Variants in ANAPC1 observed in about 807,000 individuals in gnomAD.
ANAPC1 encodes the protein anaphase promoting complex subunit 1.
Under a neutral mutation model 208.0 loss-of-function variants are expected in ANAPC1, and 36 were observed. The ratio of observed to expected loss-of-function variants is 0.17; its 90% CI spans 0.13 to 0.23. The LOEUF is 0.23. Among genes scored for constraint, ANAPC1 ranks in the 10% least tolerant of loss-of-function variants. ANAPC1 has a pLI of 1.00. For missense variants in ANAPC1, 942 were observed against 2,011.6 expected (o/e 0.47, Z 10.17); for synonymous variants, 378 against 695.2 (o/e 0.54, Z 7.18).
At chr2:111,872,527 A>C (rs1260128652) in intron 6 of ANAPC1, 103 bp downstream of exon 6, 55 of 958,860 alleles carry the variant, frequency 5.7e-5, no homozygotes, top group Non-Finnish European at 8.9e-5. Flanking sequence ...CTATGCTGTC[A>C]ACATGAAAAT....
chr2:111,872,104 T>C (rs919239438), intron 6 of ANAPC1, among the ~76,000 whole-genome samples: 4 of 152,222 alleles, frequency 2.6e-5, no homozygotes, highest in Non-Finnish European at 5.9e-5. Context: ...CTTTTCCCCA[T>C]TCAGTATGAT....
In ANAPC1 at chr2:111,834,751, T is replaced by G. The variant is rs1313722906; in HGVS notation, c.2237A>C (p.Asn746Thr). Residue 746 changes from asparagine to threonine, a missense_variant, in exon 19 of 48, where the codon AAT becomes ACT. By Grantham distance (65) the Asn-to-Thr change is moderately conservative. Coordinates refer to ENST00000341068, the MANE Select transcript of ANAPC1 (RefSeq NM_022662.4). ...SQMKDEDFSQNLSLDSSTLLF... is the reference protein window; with the variant it reads ...SQMKDEDFSQTLSLDSSTLLF... ...AAGTGTAGAAGAATCCAGACTGAGA[T>G]TCTGTGAAAAATCCTCATCCTTCAT... The G allele has an allele frequency of 3.7e-6, 6 of 1,613,522 alleles. No individual in the cohort carries two copies. The highest frequency in any genetic ancestry group is 4.2e-6 in the Non-Finnish European group (5 of 1,179,750).
intron 17 of ANAPC1, among the ~76,000 whole-genome samples, chr2:111,841,666 C>CT (rs1680771524): frequency 6.6e-6 from 1 of 152,080 alleles, no homozygotes; most frequent in Admixed American, 6.5e-5. Flanking sequence ...AGCCTATGGC[C>CT]TTTACTCTGA....
At position 111,792,561 on chromosome 2, in the gene ANAPC1, A is replaced by G. The variant is rs1677933497; in HGVS notation, c.4519-6T>C. The stretch of plus-strand genomic sequence containing the variant: ...TCTAGGTTATGAGGACCTGTCTGTC[A>G]GGTGAAGAGATGACATCACTGTAAC... On this transcript the variant is annotated splice_polypyrimidine_tract_variant and splice_region_variant and intron_variant, in intron 37 of 47. Coordinates refer to ENST00000341068, the MANE Select transcript of ANAPC1 (RefSeq NM_022662.4). The G allele has an allele frequency of 1.2e-6, 2 of 1,609,550 alleles. No homozygotes were observed. The highest frequency in any genetic ancestry group is 2.2e-5 in the East Asian group (1 of 44,860).
chr2:111,842,941 T>C (rs111464600), intron 17 of ANAPC1, among the ~76,000 whole-genome samples: 4,412 of 152,282 alleles, frequency 0.029, 142 homozygotes, highest in African/African-American at 0.071. Flanking sequence ...TAAAGTACTT[T>C]AAATCTCCCT....
At position 111,834,793 on chromosome 2, in the gene ANAPC1, G is replaced by C. The variant is rs1172280612; in HGVS notation, c.2195C>G (p.Pro732Arg). 6.2e-7 allele frequency: 1 copy of C among 1,612,644 alleles called. No individual in the cohort carries two copies. The highest frequency in any genetic ancestry group is 8.5e-7 in the Non-Finnish European group (1 of 1,179,610). ...HLLNRSLCLS[P>R]SEASQMKDED... is the part of the protein sequence containing the mutation. Reference sequence around the variant, plus strand: ...ATCCTTCATCTGTGAAGCTTCTGAAGGACTCAGACATAAAGATCTGTTCAA... The same window carrying C: ...ATCCTTCATCTGTGAAGCTTCTGAACGACTCAGACATAAAGATCTGTTCAA... Residue 732 changes from proline to arginine, a missense_variant, in exon 19 of 48, where the codon CCT (proline) becomes CGT (arginine). By Grantham distance (103) the Pro-to-Arg change is moderately radical (BLOSUM62 -2). Transcript: ENST00000341068.
intron 13 of ANAPC1, among the ~76,000 whole-genome samples, chr2:111,853,302 T>C (rs1282904978): frequency 6.6e-6 from 1 of 152,228 alleles, no homozygotes; most frequent in Admixed American, 6.5e-5. Context: ...CGCTAGTCTC[T>C]GTTATTTGTG....
chr2:111,833,682 A>AAAAAAAAAAAAAC (rs1491324551), intron 19 of ANAPC1, among the ~76,000 whole-genome samples: 1 of 37,662 alleles, frequency 2.7e-5, no homozygotes, highest in African/African-American at 1.3e-4. Flanking sequence ...TAAAATATGT[A>AAAAAAAAAAAAAC]AAAAAAAAAA....
chr2:111,779,211 T>G (rs1206164758), intron 44 of ANAPC1: 1 of 156,652 alleles, frequency 6.4e-6, no homozygotes, highest in African/African-American at 2.4e-5. Context: ...TGACCTGGAG[T>G]GCACAGCCCA....
intron 13 of ANAPC1, chr2:111,856,335 CT>C (rs1458006140): frequency 1.8e-4 from 45 of 251,552 alleles, no homozygotes; most frequent in Non-Finnish European, 2.6e-4. Context: ...AAAACTTTAA[CT>C]TTAAAAAAAA....
rs1259178705 is a variant in ANAPC1, at chr2:111,863,853, G to C, written c.874C>G (p.Pro292Ala). The C allele has an allele frequency of 6.2e-7, 1 of 1,613,714 alleles. No individual in the cohort carries two copies. The highest frequency in any genetic ancestry group is 8.5e-7 in the Non-Finnish European group (1 of 1,179,794). Residue 292 changes from proline (P) to alanine (A), a missense_variant, in exon 9 of 48, where the codon CCA becomes GCA. Coordinates refer to ENST00000341068, the MANE Select transcript of ANAPC1 (RefSeq NM_022662.4). ...GAGCTGCTAGTGGCCACATTCTGTG[G>C]GGTTCCCCCCTGTTCAGAGAACTTT... ...VLKFSEQGGT[P>A]QNVATSSSLT... is the part of the protein sequence containing the mutation.
intron 3 of ANAPC1, among the ~76,000 whole-genome samples, chr2:111,874,739 A>T (rs1213457252): frequency 3.9e-5 from 6 of 152,224 alleles, no homozygotes; most frequent in Non-Finnish European, 7.3e-5. Context: ...CTGGTGTACA[A>T]GTATCTGTGA....
intron 42 of ANAPC1, among the ~76,000 whole-genome samples, chr2:111,783,397 G>A: frequency 6.6e-6 from 1 of 151,796 alleles, no homozygotes. Flanking sequence ...TGGTTTAAAA[G>A]TGTTGCACCT....
At chr2:111,788,368 A>G (rs1194692502) in intron 38 of ANAPC1, 48 bp from the exon 39 acceptor site, 7 of 1,605,722 alleles carry the variant, frequency 4.4e-6, no homozygotes, top group Non-Finnish European at 6.0e-6. Flanking sequence ...TATATTGCAC[A>G]TACTTTCAAG....
intron 18 of ANAPC1, 70 bp from the exon 19 acceptor site, chr2:111,834,942 T>C: frequency 3.2e-6 from 4 of 1,266,366 alleles, no homozygotes; most frequent in Non-Finnish European, 4.1e-6. Context: ...GAAAATTAAT[T>C]CACTTAAAAC....
rs1183835401 is a variant in ANAPC1 at position 111,862,651 on chromosome 2, A to G, written c.1053-53T>C. 3.5e-5 allele frequency: 56 copies of G among 1,583,098 alleles called. 1 individual carries two copies. Among genetic ancestry groups the G allele is most frequent in the Non-Finnish European group, 4.5e-5 (53 of 1,164,946 alleles). ...ATCACAGTTAGCAAGGCAGGCTTATATGACACACACTCCAATGACACTTCC... is the reference window on the plus strand; with the variant it reads ...ATCACAGTTAGCAAGGCAGGCTTATGTGACACACACTCCAATGACACTTCC... On this transcript the variant is annotated intron_variant, in intron 9 of 47. Coordinates refer to ENST00000341068, the MANE Select transcript of ANAPC1 (RefSeq NM_022662.4).
intron 1 of ANAPC1, among the ~76,000 whole-genome samples, chr2:111,883,616 G>A (rs1354271194): frequency 1.3e-5 from 2 of 152,112 alleles, no homozygotes; most frequent in African/African-American, 4.8e-5. Context: ...TCTAGAGGAC[G>A]GTGAAAACAG....
rs186397786 is a variant in ANAPC1 at position 111,831,277 on chromosome 2, C to G, written c.2625+9G>C. ...AAAGGAGATAGGTAGTAACACTCCA[C>G]ATACATACCAAGACTACAAGTCTGC... On this transcript the variant is annotated intron_variant, in intron 21 of 47. Coordinates refer to ENST00000341068, the MANE Select transcript of ANAPC1 (RefSeq NM_022662.4). 1.4e-4 allele frequency: 223 copies of G among 1,593,510 alleles called. No individual in the cohort carries two copies. In the African/African-American group the frequency reaches 2.7e-3, roughly 19 times the overall value.
At chr2:111,844,328 C>T (rs547340101) in intron 16 of ANAPC1, among the ~76,000 whole-genome samples, 20 of 151,654 alleles carry the variant, frequency 1.3e-4, no homozygotes, top group African/African-American at 4.6e-4. Flanking sequence ...AAGCACTTTG[C>T]GAGGTCAAGG....
Sources: gnomAD v4.1 joint callset for allele counts (sites outside exome capture counted in the v4.1 genomes callset) on GRCh38, gnomAD v4.1.1 for gene constraint, MANE v1.5 for transcripts, NCBI Gene and HGNC (gene_info 2026-07-23, HGNC 2026-07-21) for gene names.